The following PRDM5 variants were observed in gnomAD, a reference collection of about 807,000 sequenced individuals.
PRDM5 encodes the protein PR domain zinc finger protein 5.
PRDM5 carries 56 observed loss-of-function variants against 81.2 expected under a neutral mutation model. The observed-to-expected ratio is 0.69, with a 90% CI of 0.56 to 0.86. The LOEUF (loss-of-function observed/expected upper bound fraction) is 0.86, where lower values mean the gene tolerates loss of function less well. Among genes scored for constraint, PRDM5 ranks in the 40% least tolerant of loss-of-function variants. The pLI is 0.00. For missense variants in PRDM5, 697 were observed against 770.1 expected (o/e 0.91, Z 1.12); for synonymous variants, 267 against 256.4 (o/e 1.04, Z -0.39).
intron 14 of PRDM5, among the ~76,000 whole-genome samples, chr4:120,741,871 A>AG (rs1742058884): frequency 6.6e-6 from 1 of 152,326 alleles, no homozygotes; most frequent in Admixed American, 6.5e-5. Context: ...ACCATTGCCC[A>AG]GGCTTGCTTA....
At position 120,710,188 on chromosome 4, in the gene PRDM5, G is replaced by A. The variant is rs1239905636; in HGVS notation, c.1728+121C>T. 4.9e-6 allele frequency: 4 copies of A among 818,688 alleles called. No individual in the cohort carries two copies. The African/African-American group carries it at 5.1e-5, about 10-fold the overall frequency. 50.7% of individuals were successfully genotyped at this position (818,688 alleles called of 1,614,324 possible). ...ATAGCATAAGACATTAACAGGCATA[G>A]GCACATTCCAGCAATGCAACACACA... On this transcript the variant is annotated intron_variant, in intron 15 of 15. Transcript: ENST00000264808.
At chr4:120,784,274 C>T (rs971682947) in intron 11 of PRDM5, among the ~76,000 whole-genome samples, 1 of 152,168 alleles carries the variant, frequency 6.6e-6, no homozygotes, top group African/African-American at 2.4e-5. Flanking sequence ...GTTAGACTTT[C>T]ATGGTGCGTA....
chr4:120,884,994 CA>C (rs36046997), intron 2 of PRDM5, among the ~76,000 whole-genome samples: 25,165 of 151,264 alleles, frequency 0.17, 2,575 homozygotes, highest in African/African-American at 0.28. Context: ...ACTAAAAATA[CA>C]AAAAATTACC....
chr4:120,698,320 T>G (rs1211878206), intron 15 of PRDM5, among the ~76,000 whole-genome samples: 1 of 152,168 alleles, frequency 6.6e-6, no homozygotes, highest in Non-Finnish European at 1.5e-5. Flanking sequence ...GACATGCCTT[T>G]CCCCTGTCAT....
chr4:120,733,102 A>G (rs1423320641), intron 14 of PRDM5, among the ~76,000 whole-genome samples: 1 of 152,202 alleles, frequency 6.6e-6, no homozygotes, highest in African/African-American at 2.4e-5. Context: ...AGGTAAGTTC[A>G]AGGGATAGAC....
chr4:120,869,095 T>C (rs911688488), intron 2 of PRDM5, among the ~76,000 whole-genome samples: 1 of 152,162 alleles, frequency 6.6e-6, no homozygotes, highest in African/African-American at 2.4e-5. Context: ...TGACAGATTT[T>C]TTTTAAAAAA....
At chr4:120,688,630 C>A (rs1268551771), downstream of PRDM5, among the ~76,000 whole-genome samples, 1 of 152,070 alleles carries the variant, frequency 6.6e-6, no homozygotes, top group African/African-American at 2.4e-5. Flanking sequence ...GATCTTCAAT[C>A]CATTTTGAGT....
chr4:120,914,991 G>A (rs1368838510), intron 1 of PRDM5, among the ~76,000 whole-genome samples: 1 of 151,978 alleles, frequency 6.6e-6, no homozygotes, highest in Non-Finnish European at 1.5e-5. Flanking sequence ...AATGAACACT[G>A]GACACTCGGA....
intron 8 of PRDM5, among the ~76,000 whole-genome samples, chr4:120,802,881 A>G (rs1008009471): frequency 6.6e-6 from 1 of 152,242 alleles, no homozygotes; most frequent in Non-Finnish European, 1.5e-5. Flanking sequence ...AGTTGAGAGA[A>G]GAAGGCTTCA....
intron 2 of PRDM5, among the ~76,000 whole-genome samples, chr4:120,865,619 G>A (rs1315272682): frequency 1.3e-5 from 2 of 152,228 alleles, no homozygotes; most frequent in African/African-American, 2.4e-5. Flanking sequence ...GGATTTGCTC[G>A]AGGTCAGATG....
At chr4:120,906,049 G>A (rs1296736817) in intron 2 of PRDM5, among the ~76,000 whole-genome samples, 3 of 152,036 alleles carry the variant, frequency 2.0e-5, no homozygotes, top group African/African-American at 7.3e-5. Context: ...ATAGTTCACT[G>A]CAGCCTTGAA....
rs560123200 is a variant in PRDM5 at position 120,701,120 on chromosome 4, G to T, written c.1729-5845C>A. ...AGCCTGGGCGACAGAGCAAGACTCTGTTGCAACAAACAAAAACAAAAAACA... is the reference window on the plus strand; with the variant it reads ...AGCCTGGGCGACAGAGCAAGACTCTTTTGCAACAAACAAAAACAAAAAACA... On this transcript the variant is annotated intron_variant, in intron 15 of 15. Transcript: ENST00000264808. Among the ~76,000 whole-genome samples, 44 of 150,738 alleles carry T rather than the reference G, an allele frequency of 2.9e-4. No individual in the cohort carries two copies. The East Asian group carries it at 5.5e-3, about 19-fold the overall frequency.
chr4:120,823,139 C>G (rs1373325247), intron 3 of PRDM5, among the ~76,000 whole-genome samples: 1 of 152,110 alleles, frequency 6.6e-6, no homozygotes, highest in Admixed American at 6.6e-5. Flanking sequence ...TAGTGTTTAT[C>G]TGATCAATAT....
chr4:120,868,113 T>G (rs1329105723), intron 2 of PRDM5, among the ~76,000 whole-genome samples: 3 of 152,354 alleles, frequency 2.0e-5, no homozygotes, highest in African/African-American at 7.2e-5. Context: ...TATTATACTT[T>G]CCTTTAATGG....
At chr4:120,902,897 A>T (rs150433277) in intron 2 of PRDM5, among the ~76,000 whole-genome samples, 4 of 152,260 alleles carry the variant, frequency 2.6e-5, no homozygotes, top group Non-Finnish European at 5.9e-5. Context: ...TGACCCTAAG[A>T]TCCCTTCATA....
intron 3 of PRDM5, among the ~76,000 whole-genome samples, chr4:120,822,011 A>G (rs539055833): frequency 3.9e-5 from 6 of 152,214 alleles, no homozygotes; most frequent in Non-Finnish European, 8.8e-5. Context: ...CCTGGAAAAC[A>G]GAAATCAGAC....
intron 13 of PRDM5, among the ~76,000 whole-genome samples, chr4:120,774,735 C>A (rs1747807642): frequency 2.0e-5 from 3 of 152,008 alleles, no homozygotes; most frequent in Admixed American, 1.3e-4. Flanking sequence ...CAAAGAAGAA[C>A]TGTAAAATGA....
rs1179545507 is a variant in PRDM5 at position 120,816,530 on chromosome 4, A to T, written c.788T>A (p.Val263Glu). ...CTTTCCACAGCTGTCAGCCTTGCAC[A>T]CAAACCTGGCATCCCCCCGGCAAGT... ...QETCRGDARFVCKADSCGKRL... is the reference protein window; with the variant it reads ...QETCRGDARFECKADSCGKRL... Residue 263 changes from valine (V) to glutamate (E), a missense_variant, in exon 7 of 16, where the codon GTG becomes GAG. By Grantham distance (121) the Val-to-Glu change is moderately radical. Coordinates refer to ENST00000264808, the MANE Select transcript of PRDM5 (RefSeq NM_018699.4). 6.2e-7 allele frequency: 1 copy of T among 1,614,142 alleles called. No individual in the cohort carries two copies. Among genetic ancestry groups the T allele is most frequent in the Admixed American group, 1.7e-5 (1 of 59,992 alleles).
Position 120,806,295 on chromosome 4 carries a change from T to G in PRDM5, c.945+5075A>C, listed in dbSNP as rs1752915484. 3.9e-5 allele frequency among the ~76,000 whole-genome samples: 6 copies of G among 152,342 alleles called. No homozygotes were observed. In the South Asian group the frequency reaches 1.2e-3, roughly 32 times the overall value. On this transcript the variant is annotated intron_variant, in intron 8 of 15. Transcript: ENST00000264808. ...TGCCCAAGGTAATTTCTAGATTCAATGCCATCCCTATCAAGCTACTAATGA... is the reference window on the plus strand; with the variant it reads ...TGCCCAAGGTAATTTCTAGATTCAAGGCCATCCCTATCAAGCTACTAATGA...
Sources: gnomAD v4.1 joint callset for allele counts (sites outside exome capture counted in the v4.1 genomes callset) on GRCh38, gnomAD v4.1.1 for gene constraint, MANE v1.5 for transcripts, NCBI Gene and HGNC (gene_info 2026-07-23, HGNC 2026-07-21) for gene names.